The following PLEKHA8 variants were observed in gnomAD, a reference collection of about 807,000 sequenced individuals.
PLEKHA8 encodes pleckstrin homology domain containing A8, also known as pleckstrin homology domain-containing family A member 8.
PLEKHA8 carries 36 observed loss-of-function variants against 68.2 expected under a neutral mutation model. The observed-to-expected ratio is 0.53, with a 90% CI of 0.40 to 0.70. The LOEUF (loss-of-function observed/expected upper bound fraction) is 0.70. Ranked by LOEUF, PLEKHA8 falls within the 30% of genes least tolerant of loss-of-function variation. The pLI is 0.00. For missense variants in PLEKHA8, 505 were observed against 615.4 expected (o/e 0.82, Z 1.90); for synonymous variants, 211 against 216.1 (o/e 0.98, Z 0.20).
chr7:30,054,457 A>G (rs1376851924), intron 7 of PLEKHA8, among the ~76,000 whole-genome samples: 1 of 152,126 alleles, frequency 6.6e-6, no homozygotes, highest in Admixed American at 6.5e-5. Flanking sequence ...CATTAAAATC[A>G]TGTTTTTGAA....
rs192356479 is a variant in PLEKHA8, at chr7:30,056,927, T to A, written c.1039+1585T>A. On this transcript the variant is annotated intron_variant, in intron 9 of 13. Transcript: ENST00000449726. The stretch of plus-strand genomic sequence containing the variant: ...CTAACAAATACATAATTTTATATAT[T>A]ATATATAATATATATTTATATATAT... Among the ~76,000 whole-genome samples the A allele has an allele frequency of 5.5e-3, 814 of 147,294 alleles. 9 individuals carry two copies. The highest frequency in any genetic ancestry group is 0.019 in the African/African-American group (776 of 40,626).
intron 9 of PLEKHA8, among the ~76,000 whole-genome samples, chr7:30,060,600 T>C (rs573861709): frequency 6.6e-6 from 1 of 152,292 alleles, no homozygotes; most frequent in East Asian, 1.9e-4. Flanking sequence ...GGCTACCATA[T>C]TGGACAGTGC....
At chr7:30,086,488 AGCT>A, downstream of PLEKHA8, among the ~76,000 whole-genome samples, 1 of 152,282 alleles carries the variant, frequency 6.6e-6, no homozygotes, top group East Asian at 1.9e-4. Context: ...GGGTGAACAG[AGCT>A]GGTTTCAGAA....
At chr7:30,094,102 C>G (rs1795514240), downstream of PLEKHA8, among the ~76,000 whole-genome samples, 1 of 152,210 alleles carries the variant, frequency 6.6e-6, no homozygotes, top group East Asian at 1.9e-4. Context: ...AATTCCTTTT[C>G]AGCTCACTCT....
intron 9 of PLEKHA8, among the ~76,000 whole-genome samples, chr7:30,058,324 T>C (rs797016243): frequency 6.6e-6 from 1 of 152,250 alleles, no homozygotes; most frequent in African/African-American, 2.4e-5. Flanking sequence ...TTATACTTAG[T>C]GCTTTTAGTG....
rs1794900910 is a variant in PLEKHA8, at chr7:30,080,949, T to C, written c.*2162T>C. On this transcript the variant is annotated 3_prime_UTR_variant, in exon 14 of 14. Coordinates refer to ENST00000449726, the MANE Select transcript of PLEKHA8 (RefSeq NM_001197026.2). Reference sequence around the variant, plus strand: ...TTGTTAGAATTGTGCAGTGTGATCATTCTAAACAGCTGCTGGTGCTCCCTG... The same window carrying C: ...TTGTTAGAATTGTGCAGTGTGATCACTCTAAACAGCTGCTGGTGCTCCCTG... 3 of 985,418 alleles carry C rather than the reference T, an allele frequency of 3.0e-6. No homozygotes were observed. Among genetic ancestry groups the C allele is most frequent in the Non-Finnish European group, 3.6e-6 (3 of 829,928 alleles). 61.0% of individuals were successfully genotyped at this position (985,418 alleles called of 1,614,324 possible).
rs545408206 is a variant in PLEKHA8 at position 30,082,327 on chromosome 7, C to G, written c.*3540C>G. 4 of 985,598 alleles carry G rather than the reference C, an allele frequency of 4.1e-6. No homozygotes were observed. Among genetic ancestry groups the G allele is most frequent in the East Asian group, 1.1e-4 (1 of 8,810 alleles). The allele number at this position is 985,598 out of a possible 1,614,324, so 61.1% of individuals were successfully genotyped here. On this transcript the variant is annotated 3_prime_UTR_variant, in exon 14 of 14. Coordinates refer to ENST00000449726, the MANE Select transcript of PLEKHA8 (RefSeq NM_001197026.2). Reference sequence around the variant, plus strand: ...GCCATCAGCACACCAAATCTACCCCCACTTATGTTTGTTCTGCCCCATTTC... The same window carrying G: ...GCCATCAGCACACCAAATCTACCCCGACTTATGTTTGTTCTGCCCCATTTC...
intron 13 of PLEKHA8, among the ~76,000 whole-genome samples, chr7:30,129,096 T>C (rs1351650522): frequency 2.6e-5 from 4 of 152,222 alleles, no homozygotes; most frequent in Non-Finnish European, 5.9e-5. Context: ...CCTGCAATAG[T>C]CATTCTCCTT....
In PLEKHA8 at chr7:30,115,011, G is replaced by A. The variant is rs1388641282; in HGVS notation, c.1363-14255G>A. Reference sequence around the variant, plus strand: ...TCTCCTAATCTACTCTTTTCAGTGTGGGTGTAGCCTTTTAAAAACTGCTGC... The same window carrying A: ...TCTCCTAATCTACTCTTTTCAGTGTAGGTGTAGCCTTTTAAAAACTGCTGC... On this transcript the variant is annotated intron_variant, in intron 13 of 13. Transcript: ENST00000396257. Among the ~76,000 whole-genome samples, 6 of 152,128 alleles carry A rather than the reference G, an allele frequency of 3.9e-5. 1 individual carries two copies. The highest frequency in any genetic ancestry group is 1.4e-4 in the African/African-American group (6 of 41,426).
At chr7:30,069,009 TGA>T (rs75913354) in intron 12 of PLEKHA8, among the ~76,000 whole-genome samples, 2 of 151,684 alleles carry the variant, frequency 1.3e-5, no homozygotes, top group Admixed American at 6.6e-5. Flanking sequence ...ATACCAACTT[TGA>T]GAGAGAGAGA....
intron 13 of PLEKHA8, among the ~76,000 whole-genome samples, chr7:30,112,895 G>T (rs1245667875): frequency 1.4e-5 from 2 of 147,364 alleles, no homozygotes; most frequent in Non-Finnish European, 3.0e-5. Context: ...ATGAAACTCT[G>T]TCTCTTTAAA....
At chr7:30,051,257 G>A (rs1319995222) in intron 6 of PLEKHA8, among the ~76,000 whole-genome samples, 2 of 152,110 alleles carry the variant, frequency 1.3e-5, no homozygotes, top group Admixed American at 1.3e-4. Flanking sequence ...TTATTACAAG[G>A]ATTGTTCCCA....
intron 9 of PLEKHA8, among the ~76,000 whole-genome samples, chr7:30,060,644 A>G (rs1413733488): frequency 6.6e-6 from 1 of 152,150 alleles, no homozygotes; most frequent in Non-Finnish European, 1.5e-5. Flanking sequence ...TCCTAAACTT[A>G]TAAGATTATC....
intron 13 of PLEKHA8, among the ~76,000 whole-genome samples, chr7:30,121,724 C>A: frequency 6.6e-6 from 1 of 152,162 alleles, no homozygotes; most frequent in Non-Finnish European, 1.5e-5. Flanking sequence ...TATCTCTGCC[C>A]AGAGGCACAT....
At chr7:30,059,643 CCTTT>C (rs1371406845) in intron 9 of PLEKHA8, among the ~76,000 whole-genome samples, 2 of 150,312 alleles carry the variant, frequency 1.3e-5, no homozygotes, top group African/African-American at 4.9e-5. Flanking sequence ...TTTGTCCCTG[CCTTT>C]CTTTTAGATC....
chr7:30,057,712 C>T (rs1021403719), intron 9 of PLEKHA8, among the ~76,000 whole-genome samples: 13 of 152,158 alleles, frequency 8.5e-5, no homozygotes, highest in Admixed American at 1.3e-4. Flanking sequence ...CTGCCCACCT[C>T]GGTCTCCCAA....
chr7:30,073,330 C>A (rs1794383866), intron 12 of PLEKHA8, among the ~76,000 whole-genome samples: 1 of 151,880 alleles, frequency 6.6e-6, no homozygotes, highest in Non-Finnish European at 1.5e-5. Flanking sequence ...TGGAAAAAAT[C>A]TTAGAGATTA....
downstream of PLEKHA8, among the ~76,000 whole-genome samples, chr7:30,092,867 C>T (rs567061360): frequency 8.9e-4 from 135 of 152,254 alleles, no homozygotes; most frequent in Non-Finnish European, 1.7e-3. Context: ...GATAGAGATA[C>T]GACATTTAGT....
At chr7:30,116,001 T>C (rs966742750) in intron 13 of PLEKHA8, 3 of 144,002 alleles carry the variant, frequency 2.1e-5, no homozygotes, top group South Asian at 2.2e-4. Context: ...TACGCATACA[T>C]ACGCATACAT....
Sources: allele counts gnomAD v4.1 joint callset (sites outside exome capture counted in the v4.1 genomes callset), GRCh38; gene constraint gnomAD v4.1.1; transcripts MANE v1.5; gene names NCBI Gene and HGNC (gene_info 2026-07-23, HGNC 2026-07-21).